XXYLT1: variants seen among roughly 807,000 people sequenced by gnomAD.
XXYLT1 encodes the protein UDP-xylose:alpha-xyloside alpha-1,3-xylosyltransferase.
XXYLT1 carries 20 observed loss-of-function variants against 28.9 expected under a neutral mutation model. The ratio of observed to expected loss-of-function variants is 0.69; its 90% confidence interval spans 0.49 to 1.00. The LOEUF is 1.00. Ranked by LOEUF, XXYLT1 falls within the 50% of genes least tolerant of loss-of-function variation. The pLI, the probability that XXYLT1 is intolerant of heterozygous loss-of-function variation, is 0.00. For synonymous variants in XXYLT1, 257 were observed against 253.8 expected, an observed-to-expected ratio of 1.01 and a Z score of -0.12; for missense variants, 542 against 560.1, an observed-to-expected ratio of 0.97 and a Z score of 0.33.
At chr3:195,109,223 G>A (rs1717317292) in intron 3 of XXYLT1, among the ~76,000 whole-genome samples, 1 of 152,148 alleles carries the variant, frequency 6.6e-6, no homozygotes, top group African/African-American at 2.4e-5. Flanking sequence ...CACAGGCAAG[G>A]TACTTCCACA....
Position 195,240,850 on chromosome 3 carries a change from T to G in XXYLT1, c.505-13994A>C, listed in dbSNP as rs762057515. The stretch of plus-strand genomic sequence containing the variant: ...CTGAGGCAGGAGGATCGCTTGAACC[T>G]GGGAGGCGGAGGTTGCAGTGAGCTG... On this transcript the variant is annotated intron_variant, in intron 1 of 3. Coordinates refer to ENST00000310380, the MANE Select transcript of XXYLT1 (RefSeq NM_152531.5). This position sits in a 1 kb window ranked among gnomAD's most constrained non-coding sequence, Gnocchi z 4.7. Among the ~76,000 whole-genome samples the G allele has an allele frequency of 6.6e-6, 1 of 152,158 alleles. No homozygotes were observed. The highest frequency in any genetic ancestry group is 1.5e-5 in the Non-Finnish European group (1 of 68,004).
rs1051408040 is a variant in XXYLT1 at position 195,257,520 on chromosome 3, G to A, written c.504+13035C>T. Among the ~76,000 whole-genome samples, 5 of 152,176 alleles carry A rather than the reference G, an allele frequency of 3.3e-5. No homozygotes were observed. The highest frequency in any genetic ancestry group is 1.2e-4 in the African/African-American group (5 of 41,448). ...GAGGAATGGGTGATCCGGGGAAGAA[G>A]CCCCTGAGCAAAGTCCCAGAGATGG... On this transcript the variant is annotated intron_variant, in intron 1 of 3. Coordinates refer to ENST00000310380, the MANE Select transcript of XXYLT1 (RefSeq NM_152531.5). This position sits in a 1 kb window ranked among gnomAD's most constrained non-coding sequence, Gnocchi z 4.3.
At chr3:195,131,240 C>G (rs145999638) in intron 3 of XXYLT1, among the ~76,000 whole-genome samples, 1 of 152,226 alleles carries the variant, frequency 6.6e-6, no homozygotes, top group Non-Finnish European at 1.5e-5. Flanking sequence ...GCCGAACCAC[C>G]CTCTTTCCGT....
At chr3:195,203,174 T>C (rs1295670036) in intron 2 of XXYLT1, among the ~76,000 whole-genome samples, 1 of 152,124 alleles carries the variant, frequency 6.6e-6, no homozygotes, top group Non-Finnish European at 1.5e-5. Context: ...AAAAATGTTT[T>C]CAACGTATTT....
At chr3:195,125,730 T>C (rs1031864884) in intron 3 of XXYLT1, among the ~76,000 whole-genome samples, 1 of 152,242 alleles carries the variant, frequency 6.6e-6, no homozygotes, top group Non-Finnish European at 1.5e-5. Context: ...TAAGTTGAAA[T>C]GTTCATGATC....
At chr3:195,251,125 G>A (rs1725235270) in intron 1 of XXYLT1, among the ~76,000 whole-genome samples, 1 of 152,228 alleles carries the variant, frequency 6.6e-6, no homozygotes, top group Non-Finnish European at 1.5e-5. Flanking sequence ...CTGCAGGAAG[G>A]AGACAGCCAA....
intron 3 of XXYLT1, among the ~76,000 whole-genome samples, chr3:195,145,648 T>A (rs9818897): frequency 0.15 from 22,132 of 144,356 alleles, 1,753 homozygotes; most frequent in East Asian, 0.4. Flanking sequence ...TGACCGGCAC[T>A]GATGGGGCCC....
chr3:195,238,490 T>C lies in XXYLT1; in HGVS notation c.505-11634A>G, dbSNP rs552512757. ...GAGGCCGTGACTGCTCTGTGCCCTGTATCCAGCCACTGGCCACATGACAGG... is the reference window on the plus strand; with the variant it reads ...GAGGCCGTGACTGCTCTGTGCCCTGCATCCAGCCACTGGCCACATGACAGG... On this transcript the variant is annotated intron_variant, in intron 1 of 3. Coordinates refer to ENST00000310380, the MANE Select transcript of XXYLT1 (RefSeq NM_152531.5). 3.3e-5 allele frequency among the ~76,000 whole-genome samples: 5 copies of C among 152,314 alleles called. No homozygotes were observed. The South Asian group carries it at 1.0e-3, about 32-fold the overall frequency.
At chr3:195,252,723 C>G (rs201995165) in intron 1 of XXYLT1, among the ~76,000 whole-genome samples, 10,487 of 126,724 alleles carry the variant, frequency 0.083, 937 homozygotes, top group African/African-American at 0.25. Context: ...CACACACACA[C>G]ACACAGAGAG....
At chr3:195,238,948 G>A (rs1724667081) in intron 1 of XXYLT1, among the ~76,000 whole-genome samples, 1 of 152,184 alleles carries the variant, frequency 6.6e-6, no homozygotes, top group Non-Finnish European at 1.5e-5. Flanking sequence ...CAAACTAAGG[G>A]AGATGAAGAG....
At chr3:195,083,595 CGAG>C (rs1577004860) in intron 3 of XXYLT1, among the ~76,000 whole-genome samples, 1 of 152,078 alleles carries the variant, frequency 6.6e-6, no homozygotes, top group African/African-American at 2.4e-5. Context: ...AGAAAAATGA[CGAG>C]GAGGAGGAGA....
chr3:195,109,542 TA>T (rs1282443397), intron 3 of XXYLT1, among the ~76,000 whole-genome samples: 1 of 83,218 alleles, frequency 1.2e-5, no homozygotes, highest in Non-Finnish European at 3.0e-5. Context: ...TGTACATGTG[TA>T]GGGGGTGTGT....
chr3:195,111,461 G>A (rs1295203526), intron 3 of XXYLT1, among the ~76,000 whole-genome samples: 2 of 152,136 alleles, frequency 1.3e-5, no homozygotes, highest in Non-Finnish European at 2.9e-5. Flanking sequence ...GGGGAAAGGA[G>A]GTGGCGGAGA....
intron 2 of XXYLT1, among the ~76,000 whole-genome samples, chr3:195,206,256 C>T (rs1433944934): frequency 4.0e-5 from 6 of 151,628 alleles, no homozygotes; most frequent in Non-Finnish European, 7.4e-5. Context: ...GTGATCCACC[C>T]GCCTCGGCCT....
At position 195,156,435 on chromosome 3, in the gene XXYLT1, C is replaced by A; in HGVS notation, c.785+14G>T. On this transcript the variant is annotated intron_variant, in intron 3 of 3. Transcript: ENST00000310380. ...AGGGGTCGTGGAGGCGGCCCCCCTG[C>A]AGTCATGACGCACCTGTAAACTGGC... 2.5e-6 allele frequency: 4 copies of A among 1,612,262 alleles called. No individual in the cohort carries two copies. The highest frequency in any genetic ancestry group is 3.4e-6 in the Non-Finnish European group (4 of 1,179,340).
At chr3:195,220,670 C>A (rs1723786007) in intron 2 of XXYLT1, among the ~76,000 whole-genome samples, 1 of 152,192 alleles carries the variant, frequency 6.6e-6, no homozygotes, top group South Asian at 2.1e-4. Context: ...TCAGACGCAG[C>A]CACTCACAGC....
intron 1 of XXYLT1, among the ~76,000 whole-genome samples, chr3:195,260,615 C>T (rs1403708296): frequency 1.3e-5 from 2 of 152,244 alleles, no homozygotes; most frequent in Non-Finnish European, 2.9e-5. Context: ...GCCCTGCCAC[C>T]TTCGCTGTGG....
chr3:195,161,886 A>G (rs537582505), intron 2 of XXYLT1, among the ~76,000 whole-genome samples: 123 of 152,134 alleles, frequency 8.1e-4, no homozygotes, highest in African/African-American at 2.9e-3. Context: ...CCAAAGTGCT[A>G]GGATTACAGG....
At chr3:195,245,638 C>G (rs1296261505) in intron 1 of XXYLT1, among the ~76,000 whole-genome samples, 2 of 152,184 alleles carry the variant, frequency 1.3e-5, no homozygotes, top group African/African-American at 4.8e-5. Flanking sequence ...TGTGTCTCCT[C>G]CAAATCTCAT....
Sources: gnomAD v4.1 joint callset for allele counts (sites outside exome capture counted in the v4.1 genomes callset) on GRCh38, gnomAD v4.1.1 for gene constraint, Gnocchi (gnomAD v3.1) non-coding constraint, MANE v1.5 for transcripts, NCBI Gene and HGNC (gene_info 2026-07-23, HGNC 2026-07-21) for gene names.